Variants in EEA1 observed in about 807,000 individuals in gnomAD.
EEA1 encodes the protein early endosome antigen 1.
A neutral mutation model predicts 209.2 loss-of-function variants in EEA1; 111 were observed. The observed-to-expected ratio is 0.53, with a 90% confidence interval of 0.45 to 0.62. The LOEUF is 0.62. EEA1 is among the 20% of genes least tolerant of loss of function. EEA1 has a pLI of 0.00. For missense variants in EEA1, 1,343 were observed against 1,530.8 expected (o/e 0.88, Z 2.05); for synonymous variants, 536 against 540.6 (o/e 0.99, Z 0.12).
intron 2 of EEA1, among the ~76,000 whole-genome samples, chr12:92,885,062 T>C (rs1056384521): frequency 5.3e-5 from 8 of 151,532 alleles, no homozygotes; most frequent in Non-Finnish European, 1.2e-4. Flanking sequence ...AAAAGAATAC[T>C]GTATATAATA....
chr12:92,869,590 A>T (rs1170079729), intron 2 of EEA1, among the ~76,000 whole-genome samples: 5 of 150,902 alleles, frequency 3.3e-5, no homozygotes. Context: ...CTTAAAAAAA[A>T]AAAAAAATAC....
intron 13 of EEA1, among the ~76,000 whole-genome samples, chr12:92,821,985 CAT>C (rs200890634): frequency 4.5e-4 from 67 of 149,172 alleles, no homozygotes; most frequent in South Asian, 1.9e-3. Flanking sequence ...ATCCATGAGA[CAT>C]ATATATATAT....
At chr12:92,777,283 G>A (rs1223724013) in intron 27 of EEA1, among the ~76,000 whole-genome samples, 1 of 151,592 alleles carries the variant, frequency 6.6e-6, no homozygotes, top group African/African-American at 2.4e-5. Context: ...TATATTCTTT[G>A]GTATTCTTGA....
chr12:92,790,032 C>A (rs1874325595), intron 21 of EEA1, among the ~76,000 whole-genome samples: 1 of 152,204 alleles, frequency 6.6e-6, no homozygotes, highest in Admixed American at 6.5e-5. Context: ...AACAGATCTG[C>A]AGCTGAGGGA....
intron 11 of EEA1, 126 bp downstream of exon 11, chr12:92,832,380 AAAAGTT>A (rs1353828254): frequency 1.1e-6 from 1 of 872,770 alleles, no homozygotes. Context: ...TACAGGATAT[AAAAGTT>A]AAGAGTTAAT....
intron 2 of EEA1, among the ~76,000 whole-genome samples, chr12:92,887,693 AG>A (rs1414553308): frequency 1.3e-5 from 2 of 152,206 alleles, no homozygotes; most frequent in African/African-American, 4.8e-5. Flanking sequence ...TAAATGATAA[AG>A]GGAGAAATTT....
At chr12:92,798,299 C>T (rs1385065529) in intron 21 of EEA1, among the ~76,000 whole-genome samples, 11 of 151,742 alleles carry the variant, frequency 7.2e-5, no homozygotes, top group South Asian at 2.1e-4. Flanking sequence ...TTCTAATACA[C>T]GATGAATGTT....
intron 20 of EEA1, among the ~76,000 whole-genome samples, chr12:92,800,341 T>TAC (rs1445247691): frequency 1.3e-5 from 2 of 152,202 alleles, no homozygotes; most frequent in Admixed American, 1.3e-4. Flanking sequence ...TCAGACATCA[T>TAC]ACAGAAGTCA....
chr12:92,848,890 G>A (rs369717308), intron 9 of EEA1, among the ~76,000 whole-genome samples: 2 of 152,020 alleles, frequency 1.3e-5, no homozygotes, highest in South Asian at 2.1e-4. Flanking sequence ...GTGCCAGCAC[G>A]TCTGGCTAAC....
intron 21 of EEA1, among the ~76,000 whole-genome samples, chr12:92,794,722 G>C (rs1445531877): frequency 1.3e-5 from 2 of 150,338 alleles, no homozygotes; most frequent in Admixed American, 1.3e-4. Context: ...CACACACCAG[G>C]GCCTGTCGGG....
chr12:92,838,498 G>C (rs1472776186), intron 10 of EEA1, among the ~76,000 whole-genome samples: 1 of 152,132 alleles, frequency 6.6e-6, no homozygotes, highest in Non-Finnish European at 1.5e-5. Context: ...TCTACGTGTA[G>C]TTTGACAGGA....
chr12:92,929,031 T>C lies in EEA1; in HGVS notation c.24+12A>G, dbSNP rs751671407. ...CTCACGTGCTGCCAGAAAGACGGTT[T>C]CACTCTCTTACCCTCTGTAAAATCC... On this transcript the variant is annotated intron_variant, in intron 1 of 28. Coordinates refer to ENST00000322349, the MANE Select transcript of EEA1 (RefSeq NM_003566.4). 28 of 1,590,142 alleles carry C rather than the reference T, an allele frequency of 1.8e-5. No individual in the cohort carries two copies. The highest frequency in any genetic ancestry group is 1.9e-5 in the Non-Finnish European group (22 of 1,169,376).
Position 92,799,067 on chromosome 12 carries a change from A to G in EEA1, c.2792T>C (p.Leu931Ser). The G allele has an allele frequency of 6.3e-7, 1 of 1,590,090 alleles. No homozygotes were observed. Reference protein sequence around the residue: ...KEKEASHQLKLELNSMQEQLI... With the variant: ...KEKEASHQLKSELNSMQEQLI... ...TTGTTCCTGCATTGAATTGAGTTCC[A>G]ATTTCAACTGATGAGAAGCCTGAAA... Residue 931 changes from leucine (L) to serine (S), a missense_variant, in exon 21 of 29, where the codon TTG becomes TCG. This residue lies in a region of EEA1 where 1,307 missense variants were observed against 1,465.5 expected (regional missense o/e 0.89). Coordinates refer to ENST00000322349, the MANE Select transcript of EEA1 (RefSeq NM_003566.4).
Position 92,801,608 on chromosome 12 carries a change from CT to C in EEA1, c.2763del (p.Glu922ArgfsTer8). On this transcript the variant is annotated frameshift_variant, in exon 20 of 29. Transcript: ENST00000322349. LOFTEE classifies it high-confidence loss of function. ...EQKELKKSLE[K>X]EKEASHQLKL... ...CAAAAAAAAAATCTTACCTCCTTCTCTTTTTCAAGTGACTTTTTCAGTTCCT... is the reference window on the plus strand; with the variant it reads ...CAAAAAAAAAATCTTACCTCCTTCTCTTTTCAAGTGACTTTTTCAGTTCCT... 6.3e-7 allele frequency: 1 copy of C among 1,582,114 alleles called. No homozygotes were observed. Among genetic ancestry groups the C allele is most frequent in the Non-Finnish European group, 8.6e-7 (1 of 1,168,740 alleles).
chr12:92,834,788 T>C (rs1235404443), intron 10 of EEA1, among the ~76,000 whole-genome samples: 1 of 152,240 alleles, frequency 6.6e-6, no homozygotes, highest in Non-Finnish European at 1.5e-5. Context: ...ATTCCAAATT[T>C]TTCTTGACAT....
intron 2 of EEA1, among the ~76,000 whole-genome samples, chr12:92,887,421 G>A (rs994486461): frequency 6.6e-6 from 1 of 152,132 alleles, no homozygotes; most frequent in African/African-American, 2.4e-5. Flanking sequence ...GAGGCAGGAA[G>A]ACTGTTTAAA....
intron 14 of EEA1, among the ~76,000 whole-genome samples, chr12:92,818,202 T>G (rs1484886845): frequency 6.6e-6 from 1 of 152,138 alleles, no homozygotes; most frequent in Non-Finnish European, 1.5e-5. Flanking sequence ...GTCTCTCAAT[T>G]TAATTTAATA....
intron 9 of EEA1, among the ~76,000 whole-genome samples, chr12:92,849,121 G>A (rs1251756958): frequency 1.3e-5 from 2 of 152,040 alleles, no homozygotes; most frequent in African/African-American, 4.8e-5. Context: ...CTTGCAGCTG[G>A]AATAAGTCAG....
At chr12:92,816,491 T>C (rs1205659030) in intron 14 of EEA1, 91 bp from the exon 15 acceptor site, 2 of 1,192,366 alleles carry the variant, frequency 1.7e-6, no homozygotes, top group African/African-American at 3.1e-5. Flanking sequence ...AATATTAAAG[T>C]GCTTTATGAT....
Sources: gnomAD v4.1 joint callset for allele counts (sites outside exome capture counted in the v4.1 genomes callset) on GRCh38, gnomAD v4.1.1 for gene constraint, gnomAD v4.1.1 regional missense constraint, MANE v1.5 for transcripts, NCBI Gene and HGNC (gene_info 2026-07-23, HGNC 2026-07-21) for gene names.